Variants in F5 observed in about 807,000 individuals in gnomAD.
F5 encodes the protein activated protein c cofactor.
Under a neutral mutation model 216.4 loss-of-function variants are expected in F5, and 138 were observed. That is an observed-to-expected ratio of 0.64 (90% confidence interval 0.56 to 0.73). The LOEUF is 0.73. Ranked by LOEUF, F5 falls within the 30% of genes least tolerant of loss-of-function variation. F5 has a pLI of 0.00. For missense variants in F5, 2,403 were observed against 2,674.0 expected, an observed-to-expected ratio of 0.90 and a Z score of 2.24; for synonymous variants, 916 against 930.7, an observed-to-expected ratio of 0.98 and a Z score of 0.29.
At chr1:169,564,565 G>A (rs1206559047) in intron 3 of F5, among the ~76,000 whole-genome samples, 1 of 151,976 alleles carries the variant, frequency 6.6e-6, no homozygotes, top group African/African-American at 2.4e-5. Flanking sequence ...TGTTTTATAT[G>A]TTTTGTCTGC....
chr1:169,561,933 T>C (rs1289805402), intron 3 of F5, among the ~76,000 whole-genome samples: 1 of 152,046 alleles, frequency 6.6e-6, no homozygotes, highest in Non-Finnish European at 1.5e-5. Flanking sequence ...TCTTTTCTTT[T>C]TCCTTTCCTA....
intron 8 of F5, among the ~76,000 whole-genome samples, chr1:169,551,911 A>T (rs544606939): frequency 2.0e-4 from 30 of 152,350 alleles, no homozygotes; most frequent in Non-Finnish European, 8.8e-5. Context: ...GAGTCCAACC[A>T]TTAGAGAGCT....
chr1:169,556,626 C>A lies in F5; in HGVS notation c.952+20G>T. 6.2e-7 allele frequency: 1 copy of A among 1,611,112 alleles called. No individual in the cohort carries two copies. The highest frequency in any genetic ancestry group is 8.5e-7 in the Non-Finnish European group (1 of 1,177,430). ...AAGGATTCTGCATTGAGAAGCAAGA[C>A]TGTCAGGAGAGTTTCTTGCCTTGCA... On this transcript the variant is annotated intron_variant, in intron 6 of 24. Transcript: ENST00000367797.
At chr1:169,526,910 T>A (rs1659466489) in intron 17 of F5, among the ~76,000 whole-genome samples, 1 of 151,572 alleles carries the variant, frequency 6.6e-6, no homozygotes, top group Non-Finnish European at 1.5e-5. Flanking sequence ...ATAATACAAT[T>A]AATACTCTCT....
chr1:169,535,165 C>T (rs190235219), intron 14 of F5, among the ~76,000 whole-genome samples: 10 of 151,936 alleles, frequency 6.6e-5, no homozygotes, highest in Admixed American at 6.6e-4. Flanking sequence ...ACATATGCCC[C>T]CTGAATCTAA....
Position 169,540,728 on chromosome 1 carries a change from T to C in F5, c.4362A>G (p.Ile1454Met), listed in dbSNP as rs766704354. ...TCTGATCAAGGTCTGGAGGAGGTGA[T>C]ATCTGGCTGAGATCCGGGAGAAGGG... Reference protein sequence around the residue: ...DTTLLPDLSQISPPPDLDQIF... With the variant: ...DTTLLPDLSQMSPPPDLDQIF... The change falls in exon 13 of 25, where the codon ATA becomes ATG. Residue 1454 changes from isoleucine (I) to methionine (M), a missense_variant. Physicochemically the swap from Ile to Met is conservative, Grantham distance 10. This residue lies in a region of F5 where 293 missense variants were observed against 270.8 expected (regional missense o/e 1.08). Transcript: ENST00000367797. The C allele has an allele frequency of 1.9e-6, 3 of 1,614,036 alleles. No homozygotes were observed. In the South Asian group the frequency reaches 3.3e-5, roughly 18 times the overall value.
chr1:169,560,682 C>T lies in F5; in HGVS notation c.458G>A (p.Ser153Asn). Residue 153 changes from serine (S) to asparagine (N), a missense_variant, in exon 4 of 25, where the codon AGT (serine) becomes AAT (asparagine). Transcript: ENST00000367797. Reference sequence around the variant, plus strand: ...GGTGGGTCCACTGTCCTCACTGATACTCCATTCATAGGTGTATTCTCGGCC... The same window carrying T: ...GGTGGGTCCACTGTCCTCACTGATATTCCATTCATAGGTGTATTCTCGGCC... ...APGREYTYEW[S>N]ISEDSGPTHD... 6.2e-7 allele frequency: 1 copy of T among 1,613,800 alleles called. No individual in the cohort carries two copies. The highest frequency in any genetic ancestry group is 8.5e-7 in the Non-Finnish European group (1 of 1,179,812).
rs780139132 is a variant in F5, at chr1:169,541,475, A to G, written c.3615T>C (p.Ser1205=). The change falls in exon 13 of 25, where the codon TCT becomes TCC. Residue 1205 remains serine (S), a synonymous_variant. Coordinates refer to ENST00000367797, the MANE Select transcript of F5 (RefSeq NM_000130.5). The stretch of plus-strand genomic sequence containing the variant: ...AGAGAGTCGTGTGGCTGAGGTCTGG[A>G]GAGAGGTTTGTCTGGCTGAGTTCTG... ...LSPELSQTNL[S]PDLSHTTLSP... is the part of the protein sequence containing the mutation. 7.4e-6 allele frequency: 12 copies of G among 1,613,514 alleles called. No individual in the cohort carries two copies. The highest frequency in any genetic ancestry group is 1.0e-5 in the Non-Finnish European group (12 of 1,179,872).
chr1:169,521,041 C>T (rs1659291303), intron 21 of F5, among the ~76,000 whole-genome samples: 1 of 152,130 alleles, frequency 6.6e-6, no homozygotes, highest in Non-Finnish European at 1.5e-5. Context: ...AACCTGGAAA[C>T]ACCAATGAGT....
chr1:169,552,777 G>C (rs779512584), intron 7 of F5, 43 bp from the exon 8 acceptor site: 1 of 1,431,312 alleles, frequency 7.0e-7, no homozygotes. Context: ...TTCTCAAATA[G>C]AGATCTCGGT....
rs773474810 is a variant in F5 at position 169,540,766 on chromosome 1, T to C, written c.4324A>G (p.Ile1442Val). The C allele has an allele frequency of 6.2e-7, 1 of 1,613,816 alleles. No homozygotes were observed. The highest frequency in any genetic ancestry group is 8.5e-7 in the Non-Finnish European group (1 of 1,179,964). The change falls in exon 13 of 25, where the codon ATC (isoleucine) becomes GTC (valine). Residue 1442 changes from isoleucine (I) to valine (V), a missense_variant. By Grantham distance (29) the Ile-to-Val change is conservative (BLOSUM62 3). Transcript: ENST00000367797. ...TCCGGGAGAAGGGTGGTGTCACTGA[T>C]GTCTGGAGAGAGAGTCACCTGGCTG... is the stretch of plus-strand genomic sequence containing the variant. ...DLSQVTLSPD[I>V]SDTTLLPDLS...
Position 169,542,610 on chromosome 1 carries a change from T to G in F5, c.2480A>C (p.His827Pro), listed in dbSNP as rs966884790. ...NSVLNSSTAE[H>P]SSPYSEDPIE... ...AGGGTCTTCAGAATATGGGCTGGAA[T>G]GCTCTGCTGTGGAAGAATTGAGAAC... Residue 827 changes from histidine (H) to proline (P), a missense_variant, in exon 13 of 25, where the codon CAT becomes CCT. Around this residue, in one of 4 missense-constraint regions of F5, gnomAD observed 1,425 missense variants for 1,554.8 expected, o/e 0.92. Transcript: ENST00000367797. 3.1e-6 allele frequency: 5 copies of G among 1,614,006 alleles called. No homozygotes were observed. The highest frequency in any genetic ancestry group is 1.3e-5 in the African/African-American group (1 of 74,920).
At chr1:169,577,015 C>T (rs9332508) in intron 2 of F5, among the ~76,000 whole-genome samples, 4,315 of 152,250 alleles carry the variant, frequency 0.028, 211 homozygotes, top group African/African-American at 0.096. Context: ...AATACTTTCA[C>T]GCATGTAGGA....
chr1:169,562,736 T>C (rs1405207249), intron 3 of F5, among the ~76,000 whole-genome samples: 1 of 152,078 alleles, frequency 6.6e-6, no homozygotes, highest in Non-Finnish European at 1.5e-5. Context: ...TGCAATAATA[T>C]ATTTCCATTT....
intron 5 of F5, among the ~76,000 whole-genome samples, chr1:169,558,869 C>T (rs1361787690): frequency 2.6e-5 from 4 of 152,090 alleles, no homozygotes; most frequent in Non-Finnish European, 4.4e-5. Context: ...CTGCAGAACT[C>T]GGAGAGAGTG....
At chr1:169,529,178 G>C (rs1659533254) in intron 16 of F5, among the ~76,000 whole-genome samples, 1 of 152,090 alleles carries the variant, frequency 6.6e-6, no homozygotes, top group African/African-American at 2.4e-5. Context: ...TAGCTGCTGA[G>C]AGCTAAAACT....
At chr1:169,558,014 G>A (rs909684313) in intron 5 of F5, among the ~76,000 whole-genome samples, 4 of 152,058 alleles carry the variant, frequency 2.6e-5, no homozygotes, top group Non-Finnish European at 4.4e-5. Context: ...CTATAAATTC[G>A]TAAACTCTAA....
At position 169,515,525 on chromosome 1, in the gene F5, A is replaced by G; in HGVS notation, c.6447T>C (p.Tyr2149=). The G allele has an allele frequency of 6.2e-7, 1 of 1,613,662 alleles. No individual in the cohort carries two copies. Among genetic ancestry groups the G allele is most frequent in the Non-Finnish European group, 8.5e-7 (1 of 1,179,698 alleles). ...TGTAGTGGATGGTATAGCTCTTTAC[A>G]TACATTTCAGAGGACAGAGACTTGC... ...QGCKSLSSEM[Y]VKSYTIHYSE... is the part of the protein sequence containing the mutation. The change falls in exon 24 of 25, where the codon TAT becomes TAC. Residue 2149 remains tyrosine (Y), a synonymous_variant. Transcript: ENST00000367797.
rs535939475 is a variant in F5, at chr1:169,542,955, C to T, written c.2135G>A (p.Arg712His). 3.2e-5 allele frequency: 52 copies of T among 1,614,060 alleles called. No homozygotes were observed. The highest frequency in any genetic ancestry group is 1.7e-4 in the Middle Eastern group (1 of 6,060). Residue 712 changes from arginine to histidine, a missense_variant, in exon 13 of 25, where the codon CGT (arginine) becomes CAT (histidine). Arg to His is a conservative substitution (Grantham distance 29). Around this residue, in one of 4 missense-constraint regions of F5, gnomAD observed 1,425 missense variants for 1,554.8 expected, o/e 0.92. Transcript: ENST00000367797. Reference sequence around the variant, plus strand: ...ACTCTCTTCATCTTCAGGTTCTAAACGATCATGCATTTTCCGTGTAGCCAT... The same window carrying T: ...ACTCTCTTCATCTTCAGGTTCTAAATGATCATGCATTTTCCGTGTAGCCAT... ...TVMATRKMHD[R>H]LEPEDEESDA...
Sources: allele counts gnomAD v4.1 joint callset (sites outside exome capture counted in the v4.1 genomes callset), GRCh38; gene constraint gnomAD v4.1.1; regional missense constraint gnomAD v4.1.1; transcripts MANE v1.5; gene names NCBI Gene and HGNC (gene_info 2026-07-23, HGNC 2026-07-21).